EPHA3: variants seen among roughly 807,000 people sequenced by gnomAD.
EPHA3 encodes ephrin type-A receptor 3.
EPHA3 carries 42 observed loss-of-function variants against 107.1 expected under a neutral mutation model. The observed-to-expected ratio is 0.39, with a 90% confidence interval of 0.31 to 0.51. The LOEUF is 0.51. Ranked by LOEUF, EPHA3 falls within the 20% of genes least tolerant of loss-of-function variation. The pLI, the probability that EPHA3 is intolerant of heterozygous loss-of-function variation, is 0.78. For synonymous variants in EPHA3, 461 were observed against 424.8 expected (o/e 1.09, Z -1.05); for missense variants, 1,183 against 1,211.2 (o/e 0.98, Z 0.35).
intron 2 of EPHA3, among the ~76,000 whole-genome samples, chr3:89,169,715 C>G (rs1459535890): frequency 6.6e-6 from 1 of 152,100 alleles, no homozygotes. Flanking sequence ...AGAGACACTT[C>G]TCTTAAGTTC....
chr3:89,356,875 C>T (rs576758512), intron 5 of EPHA3, among the ~76,000 whole-genome samples: 59 of 150,084 alleles, frequency 3.9e-4, no homozygotes, highest in African/African-American at 1.4e-3. Flanking sequence ...GCAGCCGAGG[C>T]GGGCAGATCA....
At chr3:89,372,264 A>T (rs925061699) in intron 5 of EPHA3, among the ~76,000 whole-genome samples, 17 of 151,608 alleles carry the variant, frequency 1.1e-4, no homozygotes, top group Non-Finnish European at 1.2e-4. Flanking sequence ...TAGCTTCACT[A>T]GTCATGACCT....
intron 5 of EPHA3, among the ~76,000 whole-genome samples, chr3:89,343,530 G>T (rs1707579764): frequency 6.6e-6 from 1 of 152,106 alleles, no homozygotes; most frequent in African/African-American, 2.4e-5. Context: ...AGAGCCTTTG[G>T]CTAGCACCCG....
At chr3:89,468,685 ATCT>A (rs1184295138) in intron 15 of EPHA3, among the ~76,000 whole-genome samples, 1 of 152,150 alleles carries the variant, frequency 6.6e-6, no homozygotes, top group Admixed American at 6.5e-5. Flanking sequence ...TTCTTCTAAA[ATCT>A]TCTCACACCT....
intron 16 of EPHA3, among the ~76,000 whole-genome samples, chr3:89,477,635 T>G (rs1371000240): frequency 6.6e-6 from 1 of 152,166 alleles, no homozygotes; most frequent in African/African-American, 2.4e-5. Flanking sequence ...TGTGTCTGTG[T>G]GTGGTGTGTT....
intron 3 of EPHA3, among the ~76,000 whole-genome samples, chr3:89,326,949 G>T (rs1212870769): frequency 6.6e-6 from 1 of 152,104 alleles, no homozygotes; most frequent in African/African-American, 2.4e-5. Flanking sequence ...AAGTAATTGG[G>T]CATAGGACAT....
chr3:89,372,853 T>G (rs1391213350), intron 5 of EPHA3, among the ~76,000 whole-genome samples: 1 of 151,762 alleles, frequency 6.6e-6, no homozygotes, highest in Admixed American at 6.6e-5. Context: ...CTTGCACTAG[T>G]AATATATTTT....
In EPHA3 at chr3:89,116,203, G is replaced by A. The variant is rs1203348155; in HGVS notation, c.88+8367G>A. ...ACTCAAACACTCCTTTCATCACCCTGGAAAGAAGATTTTGTCAGGAATTCC... is the reference window on the plus strand; with the variant it reads ...ACTCAAACACTCCTTTCATCACCCTAGAAAGAAGATTTTGTCAGGAATTCC... On this transcript the variant is annotated intron_variant, in intron 1 of 16. Transcript: ENST00000336596. Among the ~76,000 whole-genome samples, 12 of 152,102 alleles carry A rather than the reference G, an allele frequency of 7.9e-5. No homozygotes were observed. The East Asian group carries it at 1.2e-3, about 15-fold the overall frequency.
At chr3:89,138,218 C>T (rs557942970) in intron 2 of EPHA3, among the ~76,000 whole-genome samples, 78 of 151,698 alleles carry the variant, frequency 5.1e-4, no homozygotes, top group South Asian at 1.2e-3. Flanking sequence ...AGAGAAAAGA[C>T]GCGTTTCCCT....
At chr3:89,384,055 C>T (rs1708565021) in intron 5 of EPHA3, among the ~76,000 whole-genome samples, 1 of 151,934 alleles carries the variant, frequency 6.6e-6, no homozygotes, top group Admixed American at 6.6e-5. Context: ...AATAGTTGTC[C>T]CTCCTCGATC....
At chr3:89,264,554 A>T (rs1443090390) in intron 3 of EPHA3, among the ~76,000 whole-genome samples, 1 of 152,120 alleles carries the variant, frequency 6.6e-6, no homozygotes, top group Non-Finnish European at 1.5e-5. Context: ...CTTTTTATAA[A>T]TTATCATATA....
intron 2 of EPHA3, among the ~76,000 whole-genome samples, chr3:89,183,101 A>C (rs1217457012): frequency 6.6e-6 from 1 of 151,970 alleles, no homozygotes; most frequent in African/African-American, 2.4e-5. Context: ...TAATTTAAAA[A>C]CATCCAAAAC....
chr3:89,182,728 A>G (rs1050346460), intron 2 of EPHA3, among the ~76,000 whole-genome samples: 2 of 151,884 alleles, frequency 1.3e-5, no homozygotes, highest in Admixed American at 6.6e-5. Context: ...GTAAAAGTTG[A>G]GGTATAATCA....
chr3:89,391,421 C>CTTTTCTTTCTTTTCT (rs1708734128), intron 5 of EPHA3, among the ~76,000 whole-genome samples: 34 of 115,978 alleles, frequency 2.9e-4, no homozygotes, highest in Admixed American at 1.2e-3. Flanking sequence ...TCTTTCTTTT[C>CTTTTCTTTCTTTTCT]TTTTTTTTTT....
chr3:89,412,457 A>C (rs1709172982), intron 9 of EPHA3, among the ~76,000 whole-genome samples: 1 of 151,570 alleles, frequency 6.6e-6, no homozygotes, highest in Admixed American at 6.6e-5. Context: ...TATGTTATAA[A>C]GCTATACAAT....
chr3:89,120,034 T>C (rs1319887346), intron 1 of EPHA3, among the ~76,000 whole-genome samples: 3 of 152,194 alleles, frequency 2.0e-5, no homozygotes, highest in Non-Finnish European at 4.4e-5. Flanking sequence ...GTCGATATTC[T>C]ACATTTTATG....
intron 2 of EPHA3, among the ~76,000 whole-genome samples, chr3:89,153,984 G>A: frequency 6.6e-6 from 1 of 151,974 alleles, no homozygotes; most frequent in East Asian, 1.9e-4. Context: ...CTGAGCTTCA[G>A]CACTTATTCT....
intron 3 of EPHA3, among the ~76,000 whole-genome samples, chr3:89,267,311 A>T (rs1705560937): frequency 6.6e-6 from 1 of 152,140 alleles, no homozygotes; most frequent in Non-Finnish European, 1.5e-5. Flanking sequence ...TTTAAAAAAG[A>T]TGTCTGTGTA....
intron 3 of EPHA3, among the ~76,000 whole-genome samples, chr3:89,311,575 A>G (rs1053951261): frequency 5.9e-5 from 9 of 152,080 alleles, no homozygotes; most frequent in African/African-American, 1.9e-4. Flanking sequence ...ATTTTGAGAC[A>G]TGCTCAAGTT....
Sources: gnomAD v4.1 joint callset for allele counts (sites outside exome capture counted in the v4.1 genomes callset) on GRCh38, gnomAD v4.1.1 for gene constraint, MANE v1.5 for transcripts, NCBI Gene and HGNC (gene_info 2026-07-23, HGNC 2026-07-21) for gene names.